The following OSBPL8 variants were observed in gnomAD, a reference collection of about 807,000 sequenced individuals.
OSBPL8 encodes the protein oxysterol-binding protein-related protein 8.
OSBPL8 carries 59 observed loss-of-function variants against 125.5 expected under a neutral mutation model. The ratio of observed to expected loss-of-function variants is 0.47; its 90% CI spans 0.38 to 0.58. The LOEUF is 0.58. Ranked by LOEUF, OSBPL8 falls within the 20% of genes least tolerant of loss-of-function variation. OSBPL8 has a pLI of 0.00. For synonymous variants in OSBPL8, 330 were observed against 338.9 expected (o/e 0.97, Z 0.29); for missense variants, 758 against 1,047.8 (o/e 0.72, Z 3.82).
intron 5 of OSBPL8, among the ~76,000 whole-genome samples, chr12:76,404,115 A>T (rs1954158395): frequency 1.3e-5 from 2 of 152,170 alleles, no homozygotes; most frequent in Non-Finnish European, 2.9e-5. Context: ...CTCCTTTAAG[A>T]ATTGGAGTTG....
rs1454104058 is a variant in OSBPL8, at chr12:76,373,231, T to C, written c.1917+113A>G. The C allele has an allele frequency of 4.9e-6, 3 of 608,844 alleles. No homozygotes were observed. In the Admixed American group the frequency reaches 1.0e-4, roughly 21 times the overall value. 37.7% of individuals were successfully genotyped at this position (608,844 alleles called of 1,614,324 possible). ...AAATATCTGCTATTAAGATGAAGCTTATGTTAAATAGTGATGTTTTCAGCA... is the reference window on the plus strand; with the variant it reads ...AAATATCTGCTATTAAGATGAAGCTCATGTTAAATAGTGATGTTTTCAGCA... On this transcript the variant is annotated intron_variant, in intron 18 of 23. Coordinates refer to ENST00000261183, the MANE Select transcript of OSBPL8 (RefSeq NM_020841.5).
chr12:76,533,994 T>A (rs978909881), intron 1 of OSBPL8, among the ~76,000 whole-genome samples: 2 of 152,242 alleles, frequency 1.3e-5, no homozygotes, highest in African/African-American at 2.4e-5. Flanking sequence ...TATAATTGAA[T>A]ATGCTACATT....
chr12:76,437,571 C>T (rs182805523), intron 4 of OSBPL8, among the ~76,000 whole-genome samples: 32 of 152,250 alleles, frequency 2.1e-4, no homozygotes, highest in African/African-American at 7.0e-4. Flanking sequence ...TGCACTGCAA[C>T]GCATCTCTAC....
chr12:76,500,906 A>G (rs184817782), intron 1 of OSBPL8, among the ~76,000 whole-genome samples: 1 of 152,336 alleles, frequency 6.6e-6, no homozygotes, highest in Admixed American at 6.5e-5. Context: ...TCATTCTGCT[A>G]ACGTTTGAAT....
chr12:76,449,398 G>T (rs1256660099), intron 4 of OSBPL8, among the ~76,000 whole-genome samples: 1 of 152,164 alleles, frequency 6.6e-6, no homozygotes, highest in East Asian at 1.9e-4. Context: ...AGTACCCAAA[G>T]ACCCTTCTAG....
chr12:76,393,785 A>G (rs1446317203), intron 9 of OSBPL8, among the ~76,000 whole-genome samples: 4 of 147,202 alleles, frequency 2.7e-5, no homozygotes, highest in South Asian at 4.4e-4. Context: ...GCACTTTGGG[A>G]GGCCGAGGCA....
intron 1 of OSBPL8, among the ~76,000 whole-genome samples, chr12:76,530,683 T>C (rs550577296): frequency 1.3e-5 from 2 of 152,292 alleles, no homozygotes; most frequent in South Asian, 2.1e-4. Flanking sequence ...TCCCAACACC[T>C]AGAAGAGTGC....
chr12:76,384,805 GTCAAGCCT>G (rs1953234485), intron 14 of OSBPL8, among the ~76,000 whole-genome samples: 1 of 152,198 alleles, frequency 6.6e-6, no homozygotes, highest in African/African-American at 2.4e-5. Context: ...TTCCAGCCCA[GTCAAGCCT>G]GTAGATGACT....
At chr12:76,470,862 T>G (rs1403288137) in intron 2 of OSBPL8, among the ~76,000 whole-genome samples, 2 of 152,074 alleles carry the variant, frequency 1.3e-5, no homozygotes, top group Admixed American at 1.3e-4. Flanking sequence ...GATAGAAAAG[T>G]CAAAATTATT....
rs551504642 is a variant in OSBPL8, at chr12:76,386,460, A to G, written c.1434+119T>C. The G allele has an allele frequency of 1.5e-3, 1,928 of 1,292,244 alleles. 4 individuals carry two copies. Among genetic ancestry groups the G allele is most frequent in the Non-Finnish European group, 1.9e-3 (1,808 of 958,894 alleles). 80.0% of individuals were successfully genotyped at this position (1,292,244 alleles called of 1,614,324 possible). On this transcript the variant is annotated intron_variant, in intron 13 of 23. Coordinates refer to ENST00000261183, the MANE Select transcript of OSBPL8 (RefSeq NM_020841.5). ...TGTCTAAATGATCAGGTATTTTGCA[A>G]TTTTGCTACGTCAAAGAAGCCCAGT... is the stretch of plus-strand genomic sequence containing the variant.
chr12:76,521,651 A>T (rs1447149585), intron 1 of OSBPL8, among the ~76,000 whole-genome samples: 2 of 152,200 alleles, frequency 1.3e-5, no homozygotes, highest in African/African-American at 2.4e-5. Context: ...CTACACCATG[A>T]ATAGACATTG....
chr12:76,539,027 T>C (rs1375941835), intron 1 of OSBPL8, among the ~76,000 whole-genome samples: 1 of 105,298 alleles, frequency 9.5e-6, no homozygotes, highest in Non-Finnish European at 1.7e-5. Context: ...TGAGAAGTCC[T>C]AAGAGCCTGC....
intron 4 of OSBPL8, among the ~76,000 whole-genome samples, chr12:76,413,291 G>A (rs1868309450): frequency 6.6e-6 from 1 of 152,160 alleles, no homozygotes. Context: ...GTCTTCACAA[G>A]TAATTCGACT....
At chr12:76,417,957 T>C (rs545171632) in intron 4 of OSBPL8, among the ~76,000 whole-genome samples, 2 of 151,936 alleles carry the variant, frequency 1.3e-5, no homozygotes, top group Non-Finnish European at 2.9e-5. Flanking sequence ...TAATAATAAT[T>C]AGAGACCTGG....
At chr12:76,508,939 G>C (rs1419765268) in intron 1 of OSBPL8, among the ~76,000 whole-genome samples, 2 of 152,176 alleles carry the variant, frequency 1.3e-5, no homozygotes, top group African/African-American at 4.8e-5. Flanking sequence ...CCATGCTGCT[G>C]CTCTGCCTAT....
At position 76,425,498 on chromosome 12, in the gene OSBPL8, T is replaced by C. The variant is rs180779212; in HGVS notation, c.218-14864A>G. 1.8e-3 allele frequency among the ~76,000 whole-genome samples: 272 copies of C among 152,282 alleles called. 1 individual carries two copies. The highest frequency in any genetic ancestry group is 4.5e-3 in the Admixed American group (69 of 15,294). ...AAGATAAAACTGTACCAAAATGTGA[T>C]AAATCAAGAATGCATGGGGTACAGA... On this transcript the variant is annotated intron_variant, in intron 4 of 23. Transcript: ENST00000261183.
intron 15 of OSBPL8, among the ~76,000 whole-genome samples, chr12:76,383,459 A>C (rs1395949148): frequency 1.3e-5 from 2 of 151,986 alleles, no homozygotes; most frequent in African/African-American, 4.8e-5. Context: ...CCTTGAAGAA[A>C]TATAACAATA....
intron 1 of OSBPL8, among the ~76,000 whole-genome samples, chr12:76,523,003 A>C (rs1950067085): frequency 6.6e-6 from 1 of 152,018 alleles, no homozygotes; most frequent in Non-Finnish European, 1.5e-5. Context: ...ACGCCTGGCT[A>C]ATTTTTGTAT....
Position 76,450,940 on chromosome 12 carries a change from A to G in OSBPL8, c.128T>C (p.Met43Thr), listed in dbSNP as rs1873326662. The change falls in exon 4 of 24, where the codon ATG becomes ACG. Residue 43 changes from methionine to threonine, a missense_variant. Met to Thr is a moderately conservative substitution (Grantham distance 81). This residue lies in a region of OSBPL8 where 117 missense variants were observed against 137.1 expected (regional missense o/e 0.85). Transcript: ENST00000261183. The stretch of plus-strand genomic sequence containing the variant: ...AGCTTCTTTTCCTTGGCGCTGACTC[A>G]TCTTTCCTGGTGTCAGAAGCTGAGA... ...DESQLLTPGK[M>T]SQRQGKEAYP... The G allele has an allele frequency of 1.2e-6, 2 of 1,613,860 alleles. No homozygotes were observed. Among genetic ancestry groups the G allele is most frequent in the African/African-American group, 2.7e-5 (2 of 74,922 alleles).
Sources: allele counts gnomAD v4.1 joint callset (sites outside exome capture counted in the v4.1 genomes callset), GRCh38; gene constraint gnomAD v4.1.1; regional missense constraint gnomAD v4.1.1; transcripts MANE v1.5; gene names NCBI Gene and HGNC (gene_info 2026-07-23, HGNC 2026-07-21).